The following PCDHA7 variants were observed in gnomAD, a reference collection of about 807,000 sequenced individuals.
The protein encoded by PCDHA7 is protocadherin alpha-7.
In PCDHA7, 37 loss-of-function variants were observed where a neutral mutation model predicts 57.2. The ratio of observed to expected loss-of-function variants is 0.65; its 90% CI spans 0.50 to 0.85. PCDHA7 has a LOEUF of 0.85. Among genes scored for constraint, PCDHA7 ranks in the 40% least tolerant of loss-of-function variants. PCDHA7 has a pLI of 0.00. For synonymous variants in PCDHA7, 553 were observed against 558.8 expected (o/e 0.99, Z 0.15); for missense variants, 1,188 against 1,241.8 (o/e 0.96, Z 0.65).
intron 1 of PCDHA7, among the ~76,000 whole-genome samples, chr5:140,934,050 C>T (rs558726288): frequency 6.6e-6 from 1 of 151,952 alleles, no homozygotes; most frequent in East Asian, 1.9e-4. Flanking sequence ...TTAGTCTTTC[C>T]AAGGCTAACT....
chr5:140,917,154 T>C (rs1415714785), intron 1 of PCDHA7, among the ~76,000 whole-genome samples: 2 of 152,112 alleles, frequency 1.3e-5, no homozygotes, highest in East Asian at 1.9e-4. Flanking sequence ...TGCTGGGGGA[T>C]ATGGGAGGGG....
In PCDHA7 at chr5:140,868,996, G is replaced by A. The variant is rs2050789342; in HGVS notation, c.2355+32258G>A. ...CATCATACCGGATGCCACCGTTTAA[G>A]GATCCTTTGAAACTTCTTAAGAATT... is the stretch of plus-strand genomic sequence containing the variant. On this transcript the variant is annotated intron_variant, in intron 1 of 3. Transcript: ENST00000525929. The A allele has an allele frequency of 2.6e-6, 4 of 1,516,490 alleles. No individual in the cohort carries two copies. The African/African-American group carries it at 4.2e-5, about 16-fold the overall frequency. 93.9% of individuals were successfully genotyped at this position (1,516,490 alleles called of 1,614,324 possible).
intron 3 of PCDHA7, among the ~76,000 whole-genome samples, chr5:140,999,495 A>G (rs868986339): frequency 6.6e-6 from 1 of 152,142 alleles, no homozygotes; most frequent in South Asian, 2.1e-4. Flanking sequence ...TATGTTACCC[A>G]AGAACCTACA....
intron 1 of PCDHA7, among the ~76,000 whole-genome samples, chr5:140,922,066 C>A (rs1438475640): frequency 2.0e-5 from 3 of 151,528 alleles, no homozygotes; most frequent in Non-Finnish European, 4.4e-5. Context: ...TGTAGCAATC[C>A]CACTAAGCAA....
At chr5:140,904,107 T>A (rs1214453471) in intron 1 of PCDHA7, among the ~76,000 whole-genome samples, 3 of 152,216 alleles carry the variant, frequency 2.0e-5, no homozygotes, top group Non-Finnish European at 4.4e-5. Context: ...TAGTGGTCAT[T>A]GCTGAGATTT....
intron 1 of PCDHA7, among the ~76,000 whole-genome samples, chr5:140,898,151 CT>C (rs2066567806): frequency 6.6e-6 from 1 of 152,158 alleles, no homozygotes; most frequent in Admixed American, 6.5e-5. Context: ...CCTGTTCACG[CT>C]GATGGTGGTT....
chr5:140,882,032 T>C (rs2058914811), intron 1 of PCDHA7: 2 of 623,536 alleles, frequency 3.2e-6, no homozygotes, highest in Non-Finnish European at 5.1e-6. Flanking sequence ...ATGGAAAATA[T>C]GAAGACTGAG....
intron 1 of PCDHA7, among the ~76,000 whole-genome samples, chr5:140,961,502 T>C (rs6891232): frequency 0.023 from 3,568 of 152,334 alleles, 49 homozygotes; most frequent in Middle Eastern, 0.034. Context: ...TTGGGAGACT[T>C]TGTTTAATGT....
At chr5:140,884,622 GAAC>G (rs1562808706) in intron 1 of PCDHA7, 7 of 1,613,830 alleles carry the variant, frequency 4.3e-6, no homozygotes, top group Non-Finnish European at 5.9e-6. Flanking sequence ...TCTGCAGAGG[GAAC>G]AGGCCAGAGG....
intron 1 of PCDHA7, chr5:140,883,837 G>A (rs1554180178): frequency 6.2e-7 from 1 of 1,612,730 alleles, no homozygotes; most frequent in East Asian, 2.2e-5. Context: ...TGCAGCCGTT[G>A]GACCACGAGG....
At chr5:140,927,258 T>C in intron 1 of PCDHA7, 1 of 1,613,878 alleles carries the variant, frequency 6.2e-7, no homozygotes, top group Non-Finnish European at 8.5e-7. Context: ...ACAACTCACC[T>C]CTCTTTCCTG....
At chr5:140,956,281 G>A (rs551518322) in intron 1 of PCDHA7, among the ~76,000 whole-genome samples, 14 of 152,008 alleles carry the variant, frequency 9.2e-5, no homozygotes, top group Admixed American at 2.0e-4. Flanking sequence ...ATTGGCTGTG[G>A]GTTTATCATA....
Position 140,842,826 on chromosome 5 carries a change from G to T in PCDHA7, c.2355+6088G>T, listed in dbSNP as rs782132633. On this transcript the variant is annotated intron_variant, in intron 1 of 3. Coordinates refer to ENST00000525929, the MANE Select transcript of PCDHA7 (RefSeq NM_018910.3). ...CTTGTGGAGCGGCGGGTGGGCGAGC[G>T]CTCGCTGTCGAGCTACATTTCGGTG... 3.8e-6 allele frequency: 6 copies of T among 1,593,690 alleles called. 1 individual carries two copies. The highest frequency in any genetic ancestry group is 5.1e-6 in the Non-Finnish European group (6 of 1,165,318).
In PCDHA7 at chr5:140,851,034, C is replaced by T. The variant is rs2041932722; in HGVS notation, c.2355+14296C>T. On this transcript the variant is annotated intron_variant, in intron 1 of 3. Coordinates refer to ENST00000525929, the MANE Select transcript of PCDHA7 (RefSeq NM_018910.3). ...TTTTCTGATAAAGTAAACCCCTTAA[C>T]ATTGGAGCCGACTTTGTCTTGACTT... The T allele has an allele frequency of 3.1e-5, 44 of 1,402,710 alleles. 5 individuals are homozygous for T. Among genetic ancestry groups the T allele is most frequent in the Non-Finnish European group, 4.0e-5 (43 of 1,068,930 alleles). 86.9% of individuals were successfully genotyped at this position (1,402,710 alleles called of 1,614,324 possible).
intron 1 of PCDHA7, chr5:140,967,579 C>T: frequency 7.4e-6 from 12 of 1,614,154 alleles, no homozygotes; most frequent in Non-Finnish European, 9.3e-6. Context: ...AGGACTCACC[C>T]CCAGGCACAT....
chr5:140,972,322 T>C (rs2096531924), intron 1 of PCDHA7, among the ~76,000 whole-genome samples: 1 of 151,968 alleles, frequency 6.6e-6, no homozygotes, highest in African/African-American at 2.4e-5. Context: ...AGGTGTTTTT[T>C]TTTTTTGGAA....
chr5:140,995,102 C>A (rs976806158), intron 3 of PCDHA7, among the ~76,000 whole-genome samples: 3 of 152,312 alleles, frequency 2.0e-5, no homozygotes, highest in Middle Eastern at 6.8e-3. Context: ...GAGATACATT[C>A]CAAGACCCTC....
intron 1 of PCDHA7, chr5:140,928,228 C>T: frequency 6.2e-7 from 1 of 1,614,218 alleles, no homozygotes; most frequent in Non-Finnish European, 8.5e-7. Context: ...ACCAAACTTT[C>T]CTCAACCCCA....
In PCDHA7 at chr5:140,887,671, A is replaced by G. The variant is rs1417615702; in HGVS notation, c.2355+50933A>G. Among the ~76,000 whole-genome samples, 4 of 152,008 alleles carry G rather than the reference A, an allele frequency of 2.6e-5. No homozygotes were observed. In the East Asian group the frequency reaches 7.7e-4, roughly 29 times the overall value. The stretch of plus-strand genomic sequence containing the variant: ...ATATTCTTGGATCTGTGGATTTATC[A>G]TTTTCATCAAATTCAGGAAAAAATC... On this transcript the variant is annotated intron_variant, in intron 1 of 3. Transcript: ENST00000525929.
Sources: allele counts gnomAD v4.1 joint callset (sites outside exome capture counted in the v4.1 genomes callset), GRCh38; gene constraint gnomAD v4.1.1; transcripts MANE v1.5; gene names NCBI Gene and HGNC (gene_info 2026-07-23, HGNC 2026-07-21).